Variants in ADD2 observed in about 807,000 individuals in gnomAD.
ADD2 encodes beta-adducin.
In ADD2, 23 loss-of-function variants were observed where a neutral mutation model predicts 83.0. The observed-to-expected ratio is 0.28, with a 90% CI of 0.20 to 0.39. The LOEUF (loss-of-function observed/expected upper bound fraction) is 0.39. Ranked by LOEUF, ADD2 falls within the 10% of genes least tolerant of loss-of-function variation. The pLI is 1.00. For missense variants in ADD2, 758 were observed against 944.9 expected, an observed-to-expected ratio of 0.80 and a Z score of 2.59; for synonymous variants, 375 against 375.4, an observed-to-expected ratio of 1.00 and a Z score of 0.01.
chr2:70,725,203 C>G (rs1672927149), intron 1 of ADD2, among the ~76,000 whole-genome samples: 1 of 152,192 alleles, frequency 6.6e-6, no homozygotes, highest in African/African-American at 2.4e-5. Flanking sequence ...ATGTAAAACA[C>G]TTAGGATAAT....
chr2:70,687,593 AAAACAAACAAACAAACAAAC>A (rs56727401), intron 9 of ADD2, among the ~76,000 whole-genome samples: 12 of 149,528 alleles, frequency 8.0e-5, no homozygotes, highest in Admixed American at 1.4e-4. Context: ...CCCTCCCCTC[AAAACAAACAAACAAACAAAC>A]AAACAAACAA....
At chr2:70,704,182 G>T in intron 4 of ADD2, 139 bp downstream of exon 4, 1 of 1,099,458 alleles carries the variant, frequency 9.1e-7, no homozygotes, top group Non-Finnish European at 1.3e-6. Flanking sequence ...CTGCTGCTGA[G>T]CTCCCCAAGG....
At chr2:70,714,415 G>T (rs1258689793) in intron 1 of ADD2, among the ~76,000 whole-genome samples, 1 of 152,146 alleles carries the variant, frequency 6.6e-6, no homozygotes, top group Non-Finnish European at 1.5e-5. Flanking sequence ...AACTCATCTT[G>T]GTAGGTACAA....
chr2:70,674,553 A>T, intron 14 of ADD2, 125 bp downstream of exon 14: 1 of 1,092,190 alleles, frequency 9.2e-7, no homozygotes, highest in Non-Finnish European at 1.3e-6. Flanking sequence ...CATTTTTGTG[A>T]TTAATGGAAC....
intron 1 of ADD2, among the ~76,000 whole-genome samples, chr2:70,758,656 C>A (rs983693928): frequency 6.6e-6 from 1 of 152,010 alleles, no homozygotes; most frequent in Non-Finnish European, 1.5e-5. Context: ...AAAAAATAAG[C>A]CAGGCATGTT....
chr2:70,764,176 C>G (rs782129131), intron 1 of ADD2, among the ~76,000 whole-genome samples: 13 of 151,808 alleles, frequency 8.6e-5, no homozygotes, highest in Admixed American at 7.2e-4. Flanking sequence ...GCGTGAGCCA[C>G]CGCGCCCGGC....
At chr2:70,748,900 T>A (rs1034653999) in intron 1 of ADD2, among the ~76,000 whole-genome samples, 6 of 152,184 alleles carry the variant, frequency 3.9e-5, no homozygotes, top group African/African-American at 1.2e-4. Context: ...TAGTGCAGCA[T>A]TGAGCTATAT....
chr2:70,703,772 A>G (rs902311157), intron 4 of ADD2, among the ~76,000 whole-genome samples: 1 of 152,250 alleles, frequency 6.6e-6, no homozygotes, highest in Non-Finnish European at 1.5e-5. Flanking sequence ...CTGGAAGGAT[A>G]TATGTTCACC....
At chr2:70,720,354 G>T (rs542941302) in intron 1 of ADD2, among the ~76,000 whole-genome samples, 3 of 151,640 alleles carry the variant, frequency 2.0e-5, no homozygotes, top group Admixed American at 2.0e-4. Context: ...CTCACATGGG[G>T]AACTGCTGGC....
intron 4 of ADD2, among the ~76,000 whole-genome samples, chr2:70,703,843 C>CT (rs1671740977): frequency 6.6e-6 from 1 of 152,132 alleles, no homozygotes. Context: ...TTCTGCTTCC[C>CT]TTTCTTGGTT....
chr2:70,687,672 A>G (rs1430659380), intron 9 of ADD2, among the ~76,000 whole-genome samples: 1 of 152,188 alleles, frequency 6.6e-6, no homozygotes, highest in Non-Finnish European at 1.5e-5. Flanking sequence ...TGCAACAGGT[A>G]TACCCCACGT....
chr2:70,722,705 G>GT (rs1341236899), intron 1 of ADD2, among the ~76,000 whole-genome samples: 2 of 152,148 alleles, frequency 1.3e-5, no homozygotes, highest in African/African-American at 4.8e-5. Flanking sequence ...GTATATCTCA[G>GT]TACCTCTGCT....
chr2:70,711,853 T>C (rs748228690), intron 2 of ADD2, among the ~76,000 whole-genome samples: 2 of 152,166 alleles, frequency 1.3e-5, no homozygotes, highest in African/African-American at 2.4e-5. Context: ...TCATGGGAAC[T>C]CCTAAATTTA....
chr2:70,713,069 G>A lies in ADD2; in HGVS notation c.-38C>T, dbSNP rs1672281107. 9.1e-6 allele frequency: 9 copies of A among 985,300 alleles called. No individual in the cohort carries two copies. Among genetic ancestry groups the A allele is most frequent in the Non-Finnish European group, 1.1e-5 (9 of 829,854 alleles). 61.0% of individuals were successfully genotyped at this position (985,300 alleles called of 1,614,324 possible). On this transcript the variant is annotated 5_prime_UTR_variant, in exon 2 of 16. Coordinates refer to ENST00000264436, the MANE Select transcript of ADD2 (RefSeq NM_001617.4). The stretch of plus-strand genomic sequence containing the variant: ...CCAGAAACTACTGCTTACTTACCGG[G>A]AGGCTGGCCCAGCCCTGTCCAAGGC...
chr2:70,689,300 G>A (rs13398642), intron 8 of ADD2, among the ~76,000 whole-genome samples: 43,754 of 151,822 alleles, frequency 0.29, 6,598 homozygotes, highest in East Asian at 0.43. Flanking sequence ...TTCTTCGTTG[G>A]TTTTACTCTC....
intron 9 of ADD2, among the ~76,000 whole-genome samples, chr2:70,685,913 G>A (rs957119659): frequency 6.6e-6 from 1 of 152,252 alleles, no homozygotes; most frequent in East Asian, 1.9e-4. Context: ...AGAGCAGGGA[G>A]CTGCCTCTCT....
chr2:70,723,782 C>T (rs1369421510), intron 1 of ADD2, among the ~76,000 whole-genome samples: 1 of 152,054 alleles, frequency 6.6e-6, no homozygotes, highest in Non-Finnish European at 1.5e-5. Flanking sequence ...ACACTTGCAC[C>T]GCAGGAGGAT....
At chr2:70,730,074 T>A (rs993004829) in intron 1 of ADD2, among the ~76,000 whole-genome samples, 4 of 152,238 alleles carry the variant, frequency 2.6e-5, no homozygotes, top group African/African-American at 9.6e-5. Flanking sequence ...GTGCTTCTGC[T>A]AATTAACACT....
intron 1 of ADD2, among the ~76,000 whole-genome samples, chr2:70,720,120 C>A (rs1672663827): frequency 6.6e-6 from 1 of 152,142 alleles, no homozygotes; most frequent in African/African-American, 2.4e-5. Context: ...CATTTCCCCC[C>A]ACTGTTTGGG....
Sources: gnomAD v4.1 joint callset for allele counts (sites outside exome capture counted in the v4.1 genomes callset) on GRCh38, gnomAD v4.1.1 for gene constraint, MANE v1.5 for transcripts, NCBI Gene and HGNC (gene_info 2026-07-23, HGNC 2026-07-21) for gene names.